Variants in CDH18 observed in about 807,000 individuals in gnomAD.
CDH18 encodes the protein cadherin 18, also known as cadherin-18.
Under a neutral mutation model 67.9 loss-of-function variants are expected in CDH18, and 31 were observed. The ratio of observed to expected loss-of-function variants is 0.46; its 90% CI spans 0.34 to 0.62. The LOEUF (loss-of-function observed/expected upper bound fraction) is 0.62, where lower values mean the gene tolerates loss of function less well. Ranked by LOEUF, CDH18 falls within the 20% of genes least tolerant of loss-of-function variation. The pLI, the probability that CDH18 is intolerant of heterozygous loss-of-function variation, is 0.01. For missense variants in CDH18, 890 were observed against 975.5 expected (o/e 0.91, Z 1.17); for synonymous variants, 362 against 347.2 (o/e 1.04, Z -0.48).
chr5:19,661,960 T>G (rs1757241129), intron 5 of CDH18, among the ~76,000 whole-genome samples: 1 of 152,066 alleles, frequency 6.6e-6, no homozygotes, highest in Non-Finnish European at 1.5e-5. Flanking sequence ...TTTCATTTAC[T>G]TCACCTCAGG....
intron 2 of CDH18, among the ~76,000 whole-genome samples, chr5:20,150,813 T>C (rs1466194424): frequency 6.6e-6 from 1 of 152,022 alleles, no homozygotes; most frequent in Admixed American, 6.6e-5. Context: ...CTTTGTAGCT[T>C]AGCTGCTTTA....
chr5:19,500,117 C>T (rs1194154477), intron 11 of CDH18, among the ~76,000 whole-genome samples: 1 of 150,928 alleles, frequency 6.6e-6, no homozygotes, highest in Non-Finnish European at 1.5e-5. Flanking sequence ...TGTCACTTAA[C>T]TTACATAATA....
intron 1 of CDH18, among the ~76,000 whole-genome samples, chr5:20,545,241 G>A (rs576223456): frequency 1.6e-4 from 25 of 152,282 alleles, no homozygotes; most frequent in African/African-American, 6.0e-4. Flanking sequence ...GGTACTTGTG[G>A]ATTTCTAGGT....
chr5:20,270,870 C>A (rs1424137592), intron 1 of CDH18, among the ~76,000 whole-genome samples: 1 of 152,024 alleles, frequency 6.6e-6, no homozygotes, highest in Admixed American at 6.6e-5. Context: ...CCTTAGCAAC[C>A]TCTAATGCAG....
At position 20,531,585 on chromosome 5, in the gene CDH18, T is replaced by C. The variant is rs116193252; in HGVS notation, c.-580+43877A>G. ...AAAAAGGAATGAGATTATGTCCTTTTCAAGGGACATGGATCAAGCTGGAAG... is the reference window on the plus strand; with the variant it reads ...AAAAAGGAATGAGATTATGTCCTTTCCAAGGGACATGGATCAAGCTGGAAG... On this transcript the variant is annotated intron_variant, in intron 1 of 14. Transcript: ENST00000507958. Among the ~76,000 whole-genome samples, 940 of 152,116 alleles carry C rather than the reference T, an allele frequency of 6.2e-3. 22 individuals carry two copies. The highest frequency in any genetic ancestry group is 0.022 in the African/African-American group (902 of 41,460).
At chr5:20,403,983 A>G (rs902230386) in intron 1 of CDH18, among the ~76,000 whole-genome samples, 2 of 152,300 alleles carry the variant, frequency 1.3e-5, no homozygotes, top group Non-Finnish European at 2.9e-5. Flanking sequence ...AATCTTCTGG[A>G]TAACTTGTTG....
At chr5:19,524,974 T>C (rs1384850859) in intron 9 of CDH18, among the ~76,000 whole-genome samples, 1 of 152,150 alleles carries the variant, frequency 6.6e-6, no homozygotes, top group African/African-American at 2.4e-5. Flanking sequence ...CTCCATCTCC[T>C]GACCTCGTGA....
chr5:20,377,937 A>G (rs1025319424), intron 1 of CDH18, among the ~76,000 whole-genome samples: 130 of 112,572 alleles, frequency 1.2e-3, no homozygotes, highest in Non-Finnish European at 1.8e-3. Flanking sequence ...TGCTCCTTTA[A>G]TGGAGCAATT....
chr5:19,599,145 CAT>C (rs1302702182), intron 6 of CDH18, among the ~76,000 whole-genome samples: 2 of 151,700 alleles, frequency 1.3e-5, no homozygotes, highest in Non-Finnish European at 2.9e-5. Context: ...ATATAATTTC[CAT>C]ATATGTGTGT....
intron 12 of CDH18, among the ~76,000 whole-genome samples, chr5:19,482,126 A>T (rs347749): frequency 0.61 from 92,843 of 151,472 alleles, 29,792 homozygotes; most frequent in African/African-American, 0.81. Context: ...TATTATTATT[A>T]TTTTTTTGAG....
chr5:19,705,698 C>A (rs557550710), intron 5 of CDH18, among the ~76,000 whole-genome samples: 1 of 152,078 alleles, frequency 6.6e-6, no homozygotes, highest in African/African-American at 2.4e-5. Context: ...TTATTTGGAT[C>A]AAATCACTAC....
intron 1 of CDH18, among the ~76,000 whole-genome samples, chr5:20,384,929 C>T (rs1405485103): frequency 6.6e-6 from 1 of 152,174 alleles, no homozygotes; most frequent in East Asian, 1.9e-4. Flanking sequence ...CTCCGCCTCC[C>T]GGGTTCTAGT....
intron 1 of CDH18, among the ~76,000 whole-genome samples, chr5:20,361,322 C>T (rs1244320186): frequency 6.6e-6 from 1 of 151,790 alleles, no homozygotes; most frequent in Non-Finnish European, 1.5e-5. Context: ...CATTAATTAG[C>T]TATTAAACAG....
intron 8 of CDH18, among the ~76,000 whole-genome samples, chr5:19,566,967 T>C (rs976542694): frequency 2.0e-5 from 3 of 152,148 alleles, no homozygotes; most frequent in African/African-American, 7.2e-5. Flanking sequence ...TTAAGTGAAA[T>C]AAGCCAGGCA....
rs576827088 is a variant in CDH18, at chr5:20,354,974, G to A, written c.-579-99469C>T. Among the ~76,000 whole-genome samples the A allele has an allele frequency of 3.9e-4, 60 of 152,122 alleles. 2 individuals are homozygous for A. In the South Asian group the frequency reaches 7.7e-3, roughly 20 times the overall value. Reference sequence around the variant, plus strand: ...TATCTGACCAGGACCACTTTACTACGAGGGCCAATTACCGGGAAATGTTCT... The same window carrying A: ...TATCTGACCAGGACCACTTTACTACAAGGGCCAATTACCGGGAAATGTTCT... On this transcript the variant is annotated intron_variant, in intron 1 of 14. Transcript: ENST00000507958.
intron 2 of CDH18, among the ~76,000 whole-genome samples, chr5:19,904,750 GTAT>G (rs1461936322): frequency 2.0e-5 from 3 of 152,142 alleles, no homozygotes; most frequent in Non-Finnish European, 4.4e-5. Context: ...TGATACAGAA[GTAT>G]TATAATTTGA....
At chr5:19,564,327 C>G (rs2149899517) in intron 8 of CDH18, among the ~76,000 whole-genome samples, 2 of 152,288 alleles carry the variant, frequency 1.3e-5, no homozygotes, top group African/African-American at 4.8e-5. Context: ...TCCCTTCCTT[C>G]CACTTGAGTA....
At chr5:20,128,565 A>G (rs1448512940) in intron 2 of CDH18, among the ~76,000 whole-genome samples, 1 of 152,080 alleles carries the variant, frequency 6.6e-6, no homozygotes, top group African/African-American at 2.4e-5. Context: ...CAACTACTGA[A>G]AAAACAATTC....
intron 2 of CDH18, among the ~76,000 whole-genome samples, chr5:20,252,139 G>A (rs6859501): frequency 0.024 from 3,585 of 152,158 alleles, 133 homozygotes; most frequent in African/African-American, 0.082. Flanking sequence ...GGATCACGAG[G>A]TCAAGAGATC....
Sources: allele counts gnomAD v4.1 joint callset (sites outside exome capture counted in the v4.1 genomes callset), GRCh38; gene constraint gnomAD v4.1.1; transcripts MANE v1.5; gene names NCBI Gene and HGNC (gene_info 2026-07-23, HGNC 2026-07-21).